CCND3: variants seen among roughly 807,000 people sequenced by gnomAD.
CCND3 encodes G1/S-specific cyclin-D3.
CCND3 carries 9 observed loss-of-function variants against 28.7 expected under a neutral mutation model. That is an observed-to-expected ratio of 0.31 (90% CI 0.19 to 0.55). The LOEUF (loss-of-function observed/expected upper bound fraction) is 0.55. Ranked by LOEUF, CCND3 falls within the 20% of genes least tolerant of loss-of-function variation. CCND3 has a pLI of 0.93. For missense variants in CCND3, 315 were observed against 385.8 expected (o/e 0.82, Z 1.54); for synonymous variants, 164 against 163.9 (o/e 1.00, Z 0.00).
At chr6:41,951,426 C>A (rs1442475227) in intron 1 of CCND3, among the ~76,000 whole-genome samples, 1 of 101,652 alleles carries the variant, frequency 9.8e-6, no homozygotes, top group Non-Finnish European at 2.0e-5. Context: ...TGGTAGCAGG[C>A]GCCTGTAGTC....
At chr6:42,025,155 C>T (rs1763837122) in intron 1 of CCND3, among the ~76,000 whole-genome samples, 1 of 152,170 alleles carries the variant, frequency 6.6e-6, no homozygotes, top group Non-Finnish European at 1.5e-5. Flanking sequence ...TGAGAGTGAC[C>T]CATGCACGCA....
At chr6:42,036,818 T>C (rs1764233767) in intron 1 of CCND3, among the ~76,000 whole-genome samples, 1 of 152,190 alleles carries the variant, frequency 6.6e-6, no homozygotes, top group Non-Finnish European at 1.5e-5. Context: ...AGCTGTCTTC[T>C]ATGAAGTCAG....
chr6:41,944,584 G>C (rs1378903302), upstream of CCND3, among the ~76,000 whole-genome samples: 5 of 152,026 alleles, frequency 3.3e-5, no homozygotes, highest in Admixed American at 3.3e-4. Context: ...ACCATGCCCG[G>C]CTAATTTTTG....
At chr6:41,980,751 C>T (rs954310122) in intron 1 of CCND3, among the ~76,000 whole-genome samples, 11 of 152,000 alleles carry the variant, frequency 7.2e-5, no homozygotes, top group African/African-American at 1.7e-4. Context: ...TAATGTAATC[C>T]GCCACATCAA....
chr6:42,005,826 G>A (rs1763159835), intron 1 of CCND3, among the ~76,000 whole-genome samples: 1 of 151,980 alleles, frequency 6.6e-6, no homozygotes. Flanking sequence ...TGGGATTACA[G>A]GCACCCGCCA....
At chr6:42,014,195 C>G (rs2127429431) in intron 1 of CCND3, among the ~76,000 whole-genome samples, 1 of 151,300 alleles carries the variant, frequency 6.6e-6, no homozygotes, top group South Asian at 2.1e-4. Context: ...GAAACCCCGT[C>G]TCTACCAAAA....
chr6:41,974,918 G>A (rs566428095), intron 1 of CCND3, among the ~76,000 whole-genome samples: 1 of 148,580 alleles, frequency 6.7e-6, no homozygotes, highest in Non-Finnish European at 1.5e-5. Flanking sequence ...TCAGCCTCCC[G>A]AGTAGGTGGG....
chr6:41,960,987 C>T (rs889652697), intron 1 of CCND3, among the ~76,000 whole-genome samples: 11 of 152,136 alleles, frequency 7.2e-5, no homozygotes, highest in African/African-American at 2.7e-4. Flanking sequence ...TTCCCCTCAG[C>T]AGAGGGAAGC....
rs145622105 is a variant in CCND3 at position 41,958,788 on chromosome 6, C to G, written c.-45-18203G>C. On this transcript the variant is annotated intron_variant, in intron 1 of 4. Transcript: ENST00000372988. Reference sequence around the variant, plus strand: ...ATTGGCATATTTCTTAATGGTGCACCCTTTCACTCTCAGAAGCGTCTCAGT... The same window carrying G: ...ATTGGCATATTTCTTAATGGTGCACGCTTTCACTCTCAGAAGCGTCTCAGT... 1.6e-3 allele frequency among the ~76,000 whole-genome samples: 236 copies of G among 152,168 alleles called. 1 individual carries two copies. Among genetic ancestry groups the G allele is most frequent in the South Asian group, 9.8e-3 (47 of 4,818 alleles).
At chr6:41,994,995 C>A (rs530176066) in intron 1 of CCND3, among the ~76,000 whole-genome samples, 119 of 151,972 alleles carry the variant, frequency 7.8e-4, no homozygotes, top group Admixed American at 2.4e-3. Flanking sequence ...TCACTTGAAC[C>A]CAGGAGGCGG....
intron 1 of CCND3, among the ~76,000 whole-genome samples, chr6:41,969,900 T>G (rs1488529819): frequency 2.0e-5 from 3 of 151,936 alleles, no homozygotes; most frequent in Non-Finnish European, 4.4e-5. Context: ...TGAACCTCAG[T>G]TGTTTGCTCT....
intron 1 of CCND3, among the ~76,000 whole-genome samples, chr6:41,984,912 T>A (rs1762445559): frequency 6.6e-6 from 1 of 152,228 alleles, no homozygotes; most frequent in South Asian, 2.1e-4. Flanking sequence ...CATACCTTCT[T>A]TTGAGAAAGG....
intron 1 of CCND3, among the ~76,000 whole-genome samples, chr6:42,034,030 C>A (rs1389494880): frequency 6.6e-6 from 1 of 152,078 alleles, no homozygotes; most frequent in African/African-American, 2.4e-5. Flanking sequence ...TGGTGGCATG[C>A]ACCGGTAGTC....
chr6:41,955,507 T>C (rs1776414423), intron 1 of CCND3, among the ~76,000 whole-genome samples: 1 of 144,760 alleles, frequency 6.9e-6, no homozygotes, highest in South Asian at 2.2e-4. Context: ...CATCCATTCA[T>C]AAGAAAAAAC....
chr6:41,974,872 A>C lies in CCND3; in HGVS notation c.-45-34287T>G, dbSNP rs1762131379. Among the ~76,000 whole-genome samples, 3 of 143,492 alleles carry C rather than the reference A, an allele frequency of 2.1e-5. No homozygotes were observed. The South Asian group carries it at 6.5e-4, about 31-fold the overall frequency. The allele number at this position is 143,492 out of a possible 152,430, so 94.1% of individuals were successfully genotyped here. ...CAATGGCGCCATCTTGGCTCACTGC[A>C]ACCTCCGCCTCCCAGGTTCAAGCGA... On this transcript the variant is annotated intron_variant, in intron 1 of 4. Transcript: ENST00000372988.
At chr6:41,950,735 GTCTC>G in intron 1 of CCND3, among the ~76,000 whole-genome samples, 1 of 148,086 alleles carries the variant, frequency 6.8e-6, no homozygotes, top group Admixed American at 6.8e-5. Context: ...TTGAGATGGA[GTCTC>G]TCTCTGTCAC....
At chr6:41,951,569 C>CA (rs1386121581) in intron 1 of CCND3, among the ~76,000 whole-genome samples, 30 of 76,818 alleles carry the variant, frequency 3.9e-4, no homozygotes, top group African/African-American at 1.3e-3. Context: ...CACACACACA[C>CA]ACACACAAAA....
intron 1 of CCND3, among the ~76,000 whole-genome samples, chr6:42,006,788 G>T (rs1197299221): frequency 1.8e-4 from 27 of 151,670 alleles, no homozygotes; most frequent in Non-Finnish European, 3.4e-4. Flanking sequence ...GGCGCCTGTA[G>T]TCCCAGCTAC....
intron 1 of CCND3, among the ~76,000 whole-genome samples, chr6:41,984,227 T>C (rs1274783685): frequency 6.6e-6 from 1 of 152,242 alleles, no homozygotes; most frequent in African/African-American, 2.4e-5. Flanking sequence ...ATCTTGGCAA[T>C]TGGGAATAAC....
Sources: gnomAD v4.1 joint callset for allele counts (sites outside exome capture counted in the v4.1 genomes callset) on GRCh38, gnomAD v4.1.1 for gene constraint, MANE v1.5 for transcripts, NCBI Gene and HGNC (gene_info 2026-07-23, HGNC 2026-07-21) for gene names.